Variants in SHOC2 observed in about 807,000 individuals in gnomAD.
SHOC2 encodes the protein leucine-rich repeat protein SHOC-2.
Under a neutral mutation model 50.2 loss-of-function variants are expected in SHOC2, and 4 were observed. The ratio of observed to expected loss-of-function variants is 0.08; its 90% confidence interval spans 0.04 to 0.18. The LOEUF (loss-of-function observed/expected upper bound fraction) is 0.18. SHOC2 is among the 10% of genes least tolerant of loss of function. SHOC2 has a pLI of 1.00. For synonymous variants in SHOC2, 218 were observed against 244.5 expected (o/e 0.89, Z 1.01); for missense variants, 388 against 669.6 (o/e 0.58, Z 4.64).
intron 1 of SHOC2, among the ~76,000 whole-genome samples, chr10:110,935,405 A>G (rs759967841): frequency 6.6e-6 from 1 of 152,214 alleles, no homozygotes; most frequent in Non-Finnish European, 1.5e-5. Flanking sequence ...TATTAACTAC[A>G]TAATATTCCC....
intron 1 of SHOC2, among the ~76,000 whole-genome samples, chr10:110,955,608 G>A (rs1468000117): frequency 2.6e-5 from 4 of 152,168 alleles, no homozygotes; most frequent in Admixed American, 1.3e-4. Context: ...GCGGTATCAC[G>A]TGTGGGACAT....
At chr10:110,927,717 T>C (rs536958030) in intron 1 of SHOC2, among the ~76,000 whole-genome samples, 1 of 152,302 alleles carries the variant, frequency 6.6e-6, no homozygotes, top group Non-Finnish European at 1.5e-5. Context: ...ACAAAGCATA[T>C]TGAAACCGCA....
intron 3 of SHOC2, among the ~76,000 whole-genome samples, chr10:110,989,977 A>G (rs145970602): frequency 6.6e-6 from 1 of 152,364 alleles, no homozygotes; most frequent in African/African-American, 2.4e-5. Flanking sequence ...TTTGGTTAGT[A>G]TGAACAACAA....
Position 110,925,722 on chromosome 10 carries a change from G to T in SHOC2, c.-235+6065G>T, listed in dbSNP as rs148123090. ...TCCACCTGCCTTGGCCTCCCAAAGTGCTGGAATTACAAGTGTGAACCACCA... is the reference window on the plus strand; with the variant it reads ...TCCACCTGCCTTGGCCTCCCAAAGTTCTGGAATTACAAGTGTGAACCACCA... On this transcript the variant is annotated intron_variant, in intron 1 of 8. Coordinates refer to ENST00000369452, the MANE Select transcript of SHOC2 (RefSeq NM_007373.4). Among the ~76,000 whole-genome samples, 77 of 152,280 alleles carry T rather than the reference G, an allele frequency of 5.1e-4. 1 individual carries two copies. The highest frequency in any genetic ancestry group is 1.7e-3 in the African/African-American group (71 of 41,556).
intron 3 of SHOC2, among the ~76,000 whole-genome samples, chr10:110,986,535 G>A (rs924579419): frequency 1.3e-5 from 2 of 151,914 alleles, no homozygotes; most frequent in Non-Finnish European, 2.9e-5. Flanking sequence ...GTGCAGTGGC[G>A]TGATCTTTGC....
At chr10:110,977,982 A>G (rs145536169) in intron 2 of SHOC2, among the ~76,000 whole-genome samples, 40 of 152,330 alleles carry the variant, frequency 2.6e-4, no homozygotes, top group Middle Eastern at 3.4e-3. Context: ...GCACAAATCT[A>G]TTTGCTGCTC....
At chr10:110,997,264 AAAAGG>A (rs1346307145) in intron 3 of SHOC2, among the ~76,000 whole-genome samples, 4 of 152,236 alleles carry the variant, frequency 2.6e-5, no homozygotes, top group African/African-American at 9.6e-5. Flanking sequence ...ATCCAAAAGA[AAAAGG>A]ATAGTGGAAG....
intron 1 of SHOC2, among the ~76,000 whole-genome samples, chr10:110,946,176 C>T (rs914185958): frequency 1.3e-5 from 2 of 151,922 alleles, no homozygotes; most frequent in African/African-American, 4.8e-5. Context: ...GTAGTGGTAA[C>T]TTCTGATGGG....
intron 1 of SHOC2, among the ~76,000 whole-genome samples, chr10:110,935,893 T>C (rs1846997848): frequency 6.6e-6 from 1 of 152,178 alleles, no homozygotes; most frequent in South Asian, 2.1e-4. Context: ...GCCATAGCCA[T>C]AGTTTTAGAC....
At chr10:110,958,220 CT>C (rs34136641) in intron 1 of SHOC2, among the ~76,000 whole-genome samples, 53 of 145,442 alleles carry the variant, frequency 3.6e-4, no homozygotes, top group South Asian at 4.3e-4. Flanking sequence ...TTCTTTCTTT[CT>C]TTTTTTTTTT....
intron 1 of SHOC2, among the ~76,000 whole-genome samples, chr10:110,929,437 T>C (rs1846843964): frequency 6.6e-6 from 1 of 152,206 alleles, no homozygotes; most frequent in South Asian, 2.1e-4. Context: ...GGGAATCTTA[T>C]TTCATATCAA....
At chr10:110,946,771 T>C (rs765936649) in intron 1 of SHOC2, among the ~76,000 whole-genome samples, 1 of 152,140 alleles carries the variant, frequency 6.6e-6, no homozygotes, top group Non-Finnish European at 1.5e-5. Flanking sequence ...GTGTAGGGGC[T>C]AGATCATGTG....
intron 3 of SHOC2, among the ~76,000 whole-genome samples, chr10:110,995,364 G>A (rs1364981375): frequency 6.6e-6 from 1 of 152,216 alleles, no homozygotes; most frequent in African/African-American, 2.4e-5. Context: ...GTCGGTAAGA[G>A]CTTGATAAAA....
intron 1 of SHOC2, among the ~76,000 whole-genome samples, chr10:110,925,887 C>G (rs1260034268): frequency 6.6e-6 from 1 of 152,194 alleles, no homozygotes; most frequent in Non-Finnish European, 1.5e-5. Flanking sequence ...TTTCTTGATG[C>G]TCCTAATTAT....
In SHOC2 at chr10:110,945,494, A is replaced by G. The variant is rs563314542; in HGVS notation, c.-234-18631A>G. Among the ~76,000 whole-genome samples the G allele has an allele frequency of 3.3e-5, 5 of 152,336 alleles. No homozygotes were observed. The South Asian group carries it at 1.0e-3, about 32-fold the overall frequency. On this transcript the variant is annotated intron_variant, in intron 1 of 8. Coordinates refer to ENST00000369452, the MANE Select transcript of SHOC2 (RefSeq NM_007373.4). ...CTTTTTAAAAATAAATGCAACTTGG[A>G]TGCAAGCTTTTTATTAATTTTTAGA... is the stretch of plus-strand genomic sequence containing the variant.
At chr10:110,992,900 AT>A (rs766603495) in intron 3 of SHOC2, among the ~76,000 whole-genome samples, 8 of 151,662 alleles carry the variant, frequency 5.3e-5, no homozygotes, top group Admixed American at 2.0e-4. Context: ...CTTTCCTACT[AT>A]TTTTTTTGCT....
At position 110,975,248 on chromosome 10, in the gene SHOC2, T is replaced by A. The variant is rs780798670; in HGVS notation, c.703+10187T>A. On this transcript the variant is annotated intron_variant, in intron 2 of 8. Transcript: ENST00000369452. ...TTGGCTCACTGCAAGCTCCGCCTTC[T>A]GGGTTCACGCCATTCTCCTGCCTCA... Among the ~76,000 whole-genome samples, 4 of 151,838 alleles carry A rather than the reference T, an allele frequency of 2.6e-5. No individual in the cohort carries two copies. In the South Asian group the frequency reaches 8.3e-4, roughly 32 times the overall value.
intron 1 of SHOC2, among the ~76,000 whole-genome samples, chr10:110,943,340 A>T (rs960553142): frequency 6.7e-6 from 1 of 150,022 alleles, no homozygotes; most frequent in Non-Finnish European, 1.5e-5. Context: ...CTTCCTGCTC[A>T]TATCTGCTGT....
intron 3 of SHOC2, among the ~76,000 whole-genome samples, chr10:110,989,621 A>G (rs977101795): frequency 6.6e-6 from 1 of 152,086 alleles, no homozygotes; most frequent in Non-Finnish European, 1.5e-5. Flanking sequence ...AGGCCAGTCC[A>G]TTTTCTTTTT....
Sources: allele counts gnomAD v4.1 joint callset (sites outside exome capture counted in the v4.1 genomes callset), GRCh38; gene constraint gnomAD v4.1.1; transcripts MANE v1.5; gene names NCBI Gene and HGNC (gene_info 2026-07-23, HGNC 2026-07-21).